LONP2: variants seen among roughly 807,000 people sequenced by gnomAD.
The protein encoded by LONP2 is lon peptidase 2, peroxisomal, also known as lon protease homolog 2, peroxisomal.
A neutral mutation model predicts 85.6 loss-of-function variants in LONP2; 60 were observed. That is an observed-to-expected ratio of 0.70 (90% CI 0.57 to 0.87). The LOEUF (loss-of-function observed/expected upper bound fraction) is 0.87. LONP2 is among the 40% of genes least tolerant of loss of function. The pLI is 0.00. For missense variants in LONP2, 860 were observed against 1,063.5 expected (o/e 0.81, Z 2.66); for synonymous variants, 395 against 389.7 (o/e 1.01, Z -0.16).
At chr16:48,255,806 G>A (rs1291401345) in intron 2 of LONP2, among the ~76,000 whole-genome samples, 1 of 152,180 alleles carries the variant, frequency 6.6e-6, no homozygotes, top group East Asian at 1.9e-4. Context: ...TGTAAGACAG[G>A]CCTTTGCTTC....
At chr16:48,325,940 T>C (rs1048170165) in intron 11 of LONP2, among the ~76,000 whole-genome samples, 1 of 152,228 alleles carries the variant, frequency 6.6e-6, no homozygotes, top group Non-Finnish European at 1.5e-5. Flanking sequence ...GACTGGACTT[T>C]AGGTTGGGAC....
intron 11 of LONP2, among the ~76,000 whole-genome samples, chr16:48,320,084 TG>T (rs1040912699): frequency 1.4e-5 from 2 of 139,898 alleles, no homozygotes; most frequent in African/African-American, 5.4e-5. Context: ...CGCTTGAACT[TG>T]GGGGGCGGAG....
chr16:48,301,735 C>A (rs1439474676), intron 10 of LONP2, among the ~76,000 whole-genome samples: 2 of 152,098 alleles, frequency 1.3e-5, no homozygotes, highest in Non-Finnish European at 2.9e-5. Flanking sequence ...TCTTTCTATT[C>A]ACTTTTCTAT....
chr16:48,256,669 T>C lies in LONP2; in HGVS notation c.528T>C (p.Asp176=), dbSNP rs2150965843. ...TTGCTAAATTGAGACGTCTTTTAGA[T>C]AGTCTTCCAAGGGAAGCTTTACCAG... ...PAVAKLRRLL[D]SLPREALPDI... is the part of the protein sequence containing the mutation. The change falls in exon 3 of 15, where the codon GAT becomes GAC. Residue 176 remains aspartate (D), a synonymous_variant. Transcript: ENST00000285737. 1 of 1,613,854 alleles carries C rather than the reference T, an allele frequency of 6.2e-7. No homozygotes were observed. Among genetic ancestry groups the C allele is most frequent in the South Asian group, 1.1e-5 (1 of 91,080 alleles).
chr16:48,285,576 C>G (rs1462616085), intron 8 of LONP2, among the ~76,000 whole-genome samples: 1 of 152,078 alleles, frequency 6.6e-6, no homozygotes, highest in East Asian at 1.9e-4. Context: ...GTTGACCTGT[C>G]TTCAAGTTCA....
rs1488383465 is a variant in LONP2, at chr16:48,270,082, AG to A, written c.1050del (p.Arg352GlufsTer15). On this transcript the variant is annotated frameshift_variant, in exon 7 of 15. Transcript: ENST00000285737. LOFTEE classifies it high-confidence loss of function. ...GACCATTACGCCATGGAAAAATTGA[AG>A]AAAAGAGTACTGGAATACTTGGCTG... ...DNDHYAMEKL[K>X]KRVLEYLAVR... 3 of 1,614,056 alleles carry A rather than the reference AG, an allele frequency of 1.9e-6. No homozygotes were observed. Among genetic ancestry groups the A allele is most frequent in the Non-Finnish European group, 2.5e-6 (3 of 1,179,956 alleles).
intron 14 of LONP2, among the ~76,000 whole-genome samples, chr16:48,349,288 C>T (rs900635798): frequency 6.6e-6 from 1 of 151,064 alleles, no homozygotes; most frequent in African/African-American, 2.4e-5. Context: ...TTTTTTCTAT[C>T]GAGATGGAGT....
chr16:48,336,886 A>AT (rs1416934661), intron 12 of LONP2, among the ~76,000 whole-genome samples: 4 of 152,076 alleles, frequency 2.6e-5, no homozygotes, highest in African/African-American at 7.2e-5. Context: ...CATTGTGTTC[A>AT]TTTTTTTCAT....
chr16:48,279,203 A>G (rs1449466149), intron 8 of LONP2, among the ~76,000 whole-genome samples: 4 of 151,928 alleles, frequency 2.6e-5, no homozygotes, highest in African/African-American at 9.7e-5. Context: ...TCTCTTTTAT[A>G]TTAGAGTCTT....
chr16:48,350,555 G>A (rs1485975828), intron 14 of LONP2, among the ~76,000 whole-genome samples: 12 of 152,216 alleles, frequency 7.9e-5, no homozygotes, highest in African/African-American at 2.9e-4. Flanking sequence ...GAGTACTTCA[G>A]CAGCATGAAC....
intron 11 of LONP2, among the ~76,000 whole-genome samples, chr16:48,333,636 A>G (rs1361729420): frequency 2.0e-5 from 3 of 149,146 alleles, no homozygotes; most frequent in Non-Finnish European, 3.0e-5. Context: ...CCAGTGCACT[A>G]GACACCATCT....
chr16:48,306,726 C>CA (rs1423869829), intron 11 of LONP2, among the ~76,000 whole-genome samples: 1 of 151,994 alleles, frequency 6.6e-6, no homozygotes, highest in Non-Finnish European at 1.5e-5. Context: ...TCAACCAAAC[C>CA]AAAAGAATAA....
intron 9 of LONP2, among the ~76,000 whole-genome samples, chr16:48,298,046 G>A (rs931681639): frequency 6.6e-6 from 1 of 152,148 alleles, no homozygotes; most frequent in African/African-American, 2.4e-5. Context: ...TTAATTGTGT[G>A]TATTTAAAGT....
intron 8 of LONP2, among the ~76,000 whole-genome samples, chr16:48,291,527 A>G (rs536017322): frequency 1.1e-4 from 17 of 152,358 alleles, no homozygotes; most frequent in African/African-American, 3.8e-4. Context: ...ATTCCTAGGA[A>G]TAATGCGTCA....
intron 11 of LONP2, among the ~76,000 whole-genome samples, chr16:48,322,945 A>G (rs1469587618): frequency 6.6e-6 from 1 of 152,196 alleles, no homozygotes; most frequent in Non-Finnish European, 1.5e-5. Context: ...GGCAATAGGA[A>G]TCTTTCAGGT....
chr16:48,290,535 A>G (rs1972538991), intron 8 of LONP2, among the ~76,000 whole-genome samples: 2 of 152,210 alleles, frequency 1.3e-5, no homozygotes, highest in Admixed American at 1.3e-4. Flanking sequence ...GAGTACCCAC[A>G]AGCCCCCCTC....
chr16:48,335,184 A>C (rs1202067140), intron 12 of LONP2, among the ~76,000 whole-genome samples: 1 of 152,098 alleles, frequency 6.6e-6, no homozygotes, highest in African/African-American at 2.4e-5. Context: ...TACTTTAAGG[A>C]GGGATTTCTT....
intron 11 of LONP2, among the ~76,000 whole-genome samples, chr16:48,326,060 T>C (rs1959229969): frequency 6.6e-6 from 1 of 152,230 alleles, no homozygotes; most frequent in Admixed American, 6.5e-5. Flanking sequence ...TAGATATAAA[T>C]GGAGGGTTAG....
At chr16:48,362,201 C>G, downstream of LONP2, 2 of 1,614,186 alleles carry the variant, frequency 1.2e-6, no homozygotes, top group Non-Finnish European at 1.7e-6. The surrounding 1 kb of genome is among the most constrained non-coding windows in gnomAD (Gnocchi z 4.2). Context: ...CCAAAGGGCC[C>G]CGGCAAGTTG....
Sources: allele counts gnomAD v4.1 joint callset (sites outside exome capture counted in the v4.1 genomes callset), GRCh38; gene constraint gnomAD v4.1.1; non-coding constraint Gnocchi (gnomAD v3.1); transcripts MANE v1.5; gene names NCBI Gene and HGNC (gene_info 2026-07-23, HGNC 2026-07-21).